DCBLD2: variants seen among roughly 807,000 people sequenced by gnomAD.
DCBLD2 encodes the protein discoidin, CUB and LCCL domain containing 2.
A neutral mutation model predicts 86.8 loss-of-function variants in DCBLD2; 54 were observed. That is an observed-to-expected ratio of 0.62 (90% confidence interval 0.50 to 0.78). The LOEUF (loss-of-function observed/expected upper bound fraction) is 0.78, where lower values mean the gene tolerates loss of function less well. Ranked by LOEUF, DCBLD2 falls within the 30% of genes least tolerant of loss-of-function variation. The pLI is 0.00. For missense variants in DCBLD2, 908 were observed against 954.2 expected (o/e 0.95, Z 0.64); for synonymous variants, 354 against 341.3 (o/e 1.04, Z -0.41).
Position 98,901,171 on chromosome 3 carries a change from C to A in DCBLD2, c.156G>T (p.Leu52=). ...GCAGCAGGAGCAGGACAAGTAAGAG[C>A]AGGAGGAACAGAGGCATGGAGAAGG... ...SSSFSMPLFL[L]LLLVLLLLLE... The change falls in exon 1 of 16, where the codon CTG becomes CTT. Residue 52 remains leucine (L), a synonymous_variant. Coordinates refer to ENST00000326840, the MANE Select transcript of DCBLD2 (RefSeq NM_080927.4). The A allele has an allele frequency of 6.5e-7, 1 of 1,538,180 alleles. No homozygotes were observed. Among genetic ancestry groups the A allele is most frequent in the Non-Finnish European group, 8.7e-7 (1 of 1,146,814 alleles).
intron 13 of DCBLD2, among the ~76,000 whole-genome samples, chr3:98,802,906 A>G (rs984028882): frequency 5.3e-4 from 80 of 152,194 alleles, no homozygotes; most frequent in African/African-American, 1.8e-3. Flanking sequence ...CCATTGGTCT[A>G]TATCTCTGTT....
intron 1 of DCBLD2, 179 bp downstream of exon 1, chr3:98,900,941 TGG>T: frequency 1.8e-6 from 2 of 1,097,924 alleles, no homozygotes; most frequent in South Asian, 1.7e-5. Flanking sequence ...CGCGCCAACT[TGG>T]GGGACAGACG....
At chr3:98,876,989 G>A (rs1037389154) in intron 2 of DCBLD2, among the ~76,000 whole-genome samples, 1 of 152,116 alleles carries the variant, frequency 6.6e-6, no homozygotes, top group East Asian at 1.9e-4. Context: ...GTATAAAGAA[G>A]TACGGAAAAG....
chr3:98,831,012 T>C lies in DCBLD2; in HGVS notation c.572-5646A>G, dbSNP rs146711255. Among the ~76,000 whole-genome samples the C allele has an allele frequency of 2.9e-4, 44 of 152,178 alleles. 1 individual carries two copies. In the East Asian group the frequency reaches 7.9e-3, roughly 27 times the overall value. ...CTTTTTGTGGCAATTGTGAATGGGATTGTGTTCTTGATTAGGCTCTTGGCT... is the reference window on the plus strand; with the variant it reads ...CTTTTTGTGGCAATTGTGAATGGGACTGTGTTCTTGATTAGGCTCTTGGCT... On this transcript the variant is annotated intron_variant, in intron 3 of 15. Transcript: ENST00000326840.
chr3:98,855,405 A>G (rs1339166682), intron 2 of DCBLD2, among the ~76,000 whole-genome samples: 4 of 152,242 alleles, frequency 2.6e-5, no homozygotes, highest in Admixed American at 1.3e-4. Context: ...ACATTTGGCA[A>G]TAACTGCTAA....
rs201326904 is a variant in DCBLD2, at chr3:98,806,584, G to GT, written c.1670+1496dup. Among the ~76,000 whole-genome samples, 1,193 of 151,958 alleles carry GT rather than the reference G, an allele frequency of 7.9e-3. 28 individuals carry two copies. Among genetic ancestry groups the GT allele is most frequent in the African/African-American group, 0.027 (1,135 of 41,424 alleles). Reference sequence around the variant, plus strand: ...TCTATGGCTGGTGTTACAGCTGGGAGTTTTTTTTGCATTGCATCCGTTCCT... The same window carrying GT: ...TCTATGGCTGGTGTTACAGCTGGGAGTTTTTTTTTGCATTGCATCCGTTCCT... On this transcript the variant is annotated intron_variant, in intron 13 of 15. Coordinates refer to ENST00000326840, the MANE Select transcript of DCBLD2 (RefSeq NM_080927.4).
chr3:98,893,702 G>A (rs1943701358), intron 1 of DCBLD2, among the ~76,000 whole-genome samples: 1 of 152,132 alleles, frequency 6.6e-6, no homozygotes, highest in African/African-American at 2.4e-5. Flanking sequence ...GTGGCATTTT[G>A]AGCATGTTTC....
intron 1 of DCBLD2, among the ~76,000 whole-genome samples, chr3:98,898,495 A>G (rs1943789223): frequency 6.6e-6 from 1 of 151,932 alleles, no homozygotes. Context: ...TGCGAATTAC[A>G]GAAAATTTAG....
chr3:98,822,697 G>C lies in DCBLD2; in HGVS notation c.668C>G (p.Ser223Cys). Reference protein sequence around the residue: ...AGCLLPFAEISGTIPHGYRDS... With the variant: ...AGCLLPFAEICGTIPHGYRDS... ...TCTATATCCATGAGGAATTGTTCCA[G>C]ATATCTCAGCAAAAGGAAGCAGACA... The change falls in exon 5 of 16, where the codon TCT (serine) becomes TGT (cysteine). Residue 223 changes from serine to cysteine, a missense_variant. By Grantham distance (112) the Ser-to-Cys change is moderately radical (BLOSUM62 -1). Transcript: ENST00000326840. 1 of 1,596,642 alleles carries C rather than the reference G, an allele frequency of 6.3e-7. No homozygotes were observed. The highest frequency in any genetic ancestry group is 8.5e-7 in the Non-Finnish European group (1 of 1,171,024).
chr3:98,847,026 C>T (rs112011925), intron 3 of DCBLD2, among the ~76,000 whole-genome samples: 12 of 152,044 alleles, frequency 7.9e-5, no homozygotes, highest in East Asian at 5.8e-4. Flanking sequence ...ATTTTCTATC[C>T]TCTCACCTAT....
At chr3:98,820,388 A>G in intron 6 of DCBLD2, 100 bp from the exon 7 acceptor site, 1 of 872,130 alleles carries the variant, frequency 1.1e-6, no homozygotes. Flanking sequence ...CCCACCCAAT[A>G]AAAGAACCAA....
chr3:98,818,024 G>T, intron 8 of DCBLD2, 131 bp from the exon 9 acceptor site: 1 of 1,159,822 alleles, frequency 8.6e-7, no homozygotes, highest in Non-Finnish European at 1.2e-6. Flanking sequence ...ATATCCAAGT[G>T]CACGTTTTTG....
chr3:98,809,600 T>C (rs896322662), intron 12 of DCBLD2, among the ~76,000 whole-genome samples: 1 of 152,114 alleles, frequency 6.6e-6, no homozygotes, highest in African/African-American at 2.4e-5. Context: ...GTTGGAGCGG[T>C]AACTGAGAGT....
In DCBLD2 at chr3:98,853,979, A is replaced by G. The variant is rs576217212; in HGVS notation, c.434-4381T>C. Among the ~76,000 whole-genome samples the G allele has an allele frequency of 1.0e-4, 14 of 137,324 alleles. No homozygotes were observed. The East Asian group carries it at 3.8e-3, about 37-fold the overall frequency. The allele number at this position is 137,324 out of a possible 152,430, so 90.1% of individuals were successfully genotyped here. The stretch of plus-strand genomic sequence containing the variant: ...GTCCTAATTTACAAACTTATTTACG[A>G]ACAGGTTTTTTTTTTCTTTTTTTAA... On this transcript the variant is annotated intron_variant, in intron 2 of 15. Transcript: ENST00000326840.
rs148157287 is a variant in DCBLD2 at position 98,882,643 on chromosome 3, C to A, written c.206-876G>T. Among the ~76,000 whole-genome samples the A allele has an allele frequency of 4.1e-3, 617 of 152,260 alleles. 5 individuals are homozygous for A. The highest frequency in any genetic ancestry group is 0.014 in the African/African-American group (586 of 41,522). On this transcript the variant is annotated intron_variant, in intron 1 of 15. Transcript: ENST00000326840. ...GTGTACGTGTGTTCTCATTGTTCAA[C>A]CCCCACTTATGAGTGAGAACATGTG...
intron 1 of DCBLD2, among the ~76,000 whole-genome samples, chr3:98,897,394 GATTT>G (rs1471051860): frequency 6.6e-6 from 1 of 152,048 alleles, no homozygotes; most frequent in Non-Finnish European, 1.5e-5. Flanking sequence ...AGGATGCTTT[GATTT>G]ATTTGCTTCT....
chr3:98,825,645 AT>A (rs1942204017), intron 3 of DCBLD2, among the ~76,000 whole-genome samples: 3 of 14,952 alleles, frequency 2.0e-4, no homozygotes, highest in African/African-American at 1.3e-3. Context: ...ATGTGTATTT[AT>A]ATATATATAT....
intron 3 of DCBLD2, among the ~76,000 whole-genome samples, chr3:98,828,719 AT>A (rs553190724): frequency 1.3e-5 from 2 of 152,194 alleles, no homozygotes; most frequent in Non-Finnish European, 2.9e-5. Flanking sequence ...GCCCAAGAGA[AT>A]TAAAAACCTA....
chr3:98,849,591 G>A lies in DCBLD2; in HGVS notation c.441C>T (p.Tyr147=). The A allele has an allele frequency of 6.2e-7, 1 of 1,608,668 alleles. No homozygotes were observed. Among genetic ancestry groups the A allele is most frequent in the Non-Finnish European group, 8.5e-7 (1 of 1,175,860 alleles). ...GGTTCATTTGCAACCCCAGACCACAGTATTTGCCTAGGAATGAAAGAAAAG... is the reference window on the plus strand; with the variant it reads ...GGTTCATTTGCAACCCCAGACCACAATATTTGCCTAGGAATGAAAGAAAAG... ...IGVSRTEIGK[Y]CGLGLQMNHS... Residue 147 remains tyrosine (Y), a synonymous_variant, in exon 3 of 16, where the codon TAC becomes TAT. Transcript: ENST00000326840.
Sources: gnomAD v4.1 joint callset for allele counts (sites outside exome capture counted in the v4.1 genomes callset) on GRCh38, gnomAD v4.1.1 for gene constraint, MANE v1.5 for transcripts, NCBI Gene and HGNC (gene_info 2026-07-23, HGNC 2026-07-21) for gene names.